Variants in SHROOM4 observed in about 807,000 individuals in gnomAD.
The protein encoded by SHROOM4 is shroom family member 4.
Under a neutral mutation model 80.3 loss-of-function variants are expected in SHROOM4, and 17 were observed. The ratio of observed to expected loss-of-function variants is 0.21; its 90% CI spans 0.14 to 0.32. The LOEUF is 0.32. Ranked by LOEUF, SHROOM4 falls within the 10% of genes least tolerant of loss-of-function variation. The pLI, the probability that SHROOM4 is intolerant of heterozygous loss-of-function variation, is 1.00. For missense variants in SHROOM4, 993 were observed against 1,140.3 expected, an observed-to-expected ratio of 0.87 and a Z score of 1.86; for synonymous variants, 400 against 437.5, an observed-to-expected ratio of 0.91 and a Z score of 1.07.
At position 50,633,729 on chromosome X, in the gene SHROOM4, T is replaced by C; in HGVS notation, c.2344A>G (p.Lys782Glu). Residue 782 changes from lysine (K) to glutamate (E), a missense_variant, in exon 4 of 9, where the codon AAA becomes GAA. Coordinates refer to ENST00000376020, the MANE Select transcript of SHROOM4 (RefSeq NM_020717.5). ...DRRKFFEESS[K>E]SLSTSHLPGL... ...GGCAAATGAGATGTAGATAAGGATT[T>C]GCTACTCTCTTCAAAGAACTTTCTT... is the stretch of plus-strand genomic sequence containing the variant. 8.3e-7 allele frequency: 1 copy of C among 1,211,978 alleles called. No individual in the cohort carries two copies. The highest frequency in any genetic ancestry group is 1.8e-5 in the South Asian group (1 of 56,976).
At chrX:50,641,804 G>A (rs782305533) in intron 2 of SHROOM4, among the ~76,000 whole-genome samples, 1 of 111,713 alleles carries the variant, frequency 9.0e-6, no homozygotes, top group African/African-American at 3.3e-5. Flanking sequence ...TAGAGATGGG[G>A]TTTCACCAGG....
intron 2 of SHROOM4, among the ~76,000 whole-genome samples, chrX:50,662,509 A>G (rs781818594): frequency 9.0e-6 from 1 of 111,419 alleles, no homozygotes; most frequent in East Asian, 2.8e-4. Flanking sequence ...TCAAAAAAAA[A>G]AAAGTGTTAT....
At chrX:50,684,604 A>G (rs1318849996) in intron 2 of SHROOM4, among the ~76,000 whole-genome samples, 7 of 112,049 alleles carry the variant, frequency 6.2e-5, no homozygotes, top group Non-Finnish European at 1.1e-4. Context: ...CACAATACCT[A>G]AAGATGACTA....
intron 1 of SHROOM4, among the ~76,000 whole-genome samples, chrX:50,807,513 AG>A (rs1176270547): frequency 3.0e-4 from 34 of 112,191 alleles, no homozygotes; most frequent in African/African-American, 9.7e-4. Flanking sequence ...TCTTTCCAGA[AG>A]GGGAAAAAAT....
At chrX:50,781,269 A>G (rs1182703632) in intron 1 of SHROOM4, among the ~76,000 whole-genome samples, 1 of 111,806 alleles carries the variant, frequency 8.9e-6, no homozygotes, top group Non-Finnish European at 1.9e-5. Flanking sequence ...CTTACCAGCT[A>G]TCTGGGCATC....
intron 1 of SHROOM4, among the ~76,000 whole-genome samples, chrX:50,744,571 C>A (rs1934736353): frequency 9.0e-6 from 1 of 111,542 alleles, no homozygotes; most frequent in South Asian, 3.8e-4. Context: ...CTTTAAAGTC[C>A]TTGTCTGTCA....
chrX:50,696,292 G>A (rs1569547752), intron 1 of SHROOM4, among the ~76,000 whole-genome samples: 1 of 111,935 alleles, frequency 8.9e-6, no homozygotes, highest in Non-Finnish European at 1.9e-5. Flanking sequence ...AGAGCCAGAA[G>A]AGCTAGGCTC....
intron 5 of SHROOM4, among the ~76,000 whole-genome samples, chrX:50,610,467 G>C (rs1929922016): frequency 9.0e-6 from 1 of 110,780 alleles, no homozygotes; most frequent in African/African-American, 3.3e-5. Flanking sequence ...CAAAAATAGA[G>C]ACAACTTACA....
intron 1 of SHROOM4, among the ~76,000 whole-genome samples, chrX:50,813,669 G>A (rs782174785): frequency 3.0e-4 from 34 of 112,224 alleles, no homozygotes; most frequent in African/African-American, 9.7e-4. Context: ...GAGTGTGTCT[G>A]CGCGCAAGGT....
At chrX:50,763,907 T>C (rs1164420334) in intron 1 of SHROOM4, among the ~76,000 whole-genome samples, 1 of 111,695 alleles carries the variant, frequency 9.0e-6, no homozygotes, top group Non-Finnish European at 1.9e-5. Context: ...GGACTCTTTT[T>C]AGCTGTCTCT....
At chrX:50,648,976 T>C (rs1280101171) in intron 2 of SHROOM4, among the ~76,000 whole-genome samples, 10 of 111,714 alleles carry the variant, frequency 9.0e-5, no homozygotes, top group Non-Finnish European at 1.5e-4. Flanking sequence ...TGTGGATAGA[T>C]ACTGGAAGCA....
In SHROOM4 at chrX:50,696,050, G is replaced by A. The variant is rs1354398611; in HGVS notation, c.118-113C>T. The A allele has an allele frequency of 2.9e-5, 25 of 872,446 alleles. No individual in the cohort carries two copies. The Middle Eastern group carries it at 1.5e-3, about 53-fold the overall frequency. The allele number at this position is 872,446 out of a possible 1,213,427, so 71.9% of individuals were successfully genotyped here. A position where few individuals can be genotyped will look rare whatever the true frequency, so the allele number is the denominator to read the frequency against. On this transcript the variant is annotated intron_variant, in intron 1 of 8. Coordinates refer to ENST00000376020, the MANE Select transcript of SHROOM4 (RefSeq NM_020717.5). ...AAGTAGTACTGGGGAATGGCTCCAG[G>A]CAGCTCCTGGGAGTAGCTCAGGAGC...
intron 5 of SHROOM4, among the ~76,000 whole-genome samples, chrX:50,617,709 G>A (rs1378048969): frequency 3.0e-5 from 3 of 101,132 alleles, no homozygotes; most frequent in Non-Finnish European, 5.9e-5. Context: ...GGTGCCCCAA[G>A]TCATGGAACT....
At chrX:50,699,128 G>A (rs782457744) in intron 1 of SHROOM4, among the ~76,000 whole-genome samples, 1 of 112,064 alleles carries the variant, frequency 8.9e-6, no homozygotes, top group African/African-American at 3.2e-5. Context: ...TTGGAATGTC[G>A]GTATAAACAC....
chrX:50,782,962 T>G (rs1557270774), intron 1 of SHROOM4, among the ~76,000 whole-genome samples: 1 of 111,883 alleles, frequency 8.9e-6, no homozygotes, highest in East Asian at 2.8e-4. Context: ...TAAATAACAA[T>G]ACTATATTGT....
At chrX:50,809,109 T>C (rs1936283365) in intron 1 of SHROOM4, among the ~76,000 whole-genome samples, 1 of 111,150 alleles carries the variant, frequency 9.0e-6, no homozygotes, top group Admixed American at 9.6e-5. Flanking sequence ...CTTTGGTGAT[T>C]CTAGAGGCAG....
chrX:50,633,584 TA>T lies in SHROOM4; in HGVS notation c.2488del (p.Tyr830IlefsTer37). Reference protein sequence around the residue: ...ELRRHPMDQSYHSADQPYHAT... With the variant: ...ELRRHPMDQSXHSADQPYHAT... ...ATGATATGGTTGGTCTGCGGAATGA[TA>T]TGATTGGTCCATGGGATGGCGCCTC... is the stretch of plus-strand genomic sequence containing the variant. On this transcript the variant is annotated frameshift_variant, in exon 4 of 9. Coordinates refer to ENST00000376020, the MANE Select transcript of SHROOM4 (RefSeq NM_020717.5). LOFTEE classifies it high-confidence loss of function. The T allele has an allele frequency of 8.3e-7, 1 of 1,212,015 alleles. No homozygotes were observed. Among genetic ancestry groups the T allele is most frequent in the Non-Finnish European group, 1.1e-6 (1 of 895,612 alleles).
intron 1 of SHROOM4, among the ~76,000 whole-genome samples, chrX:50,709,749 T>C (rs2147489181): frequency 1.8e-5 from 2 of 112,168 alleles, no homozygotes; most frequent in South Asian, 3.7e-4. Flanking sequence ...AAGAAATGTG[T>C]CTGGCACAAG....
rs57853672 is a variant in SHROOM4 at position 50,795,051 on chromosome X, G to GAT, written c.117+18849_117+18850dup. Among the ~76,000 whole-genome samples, 47 of 2,516 alleles carry GAT rather than the reference G, an allele frequency of 0.019. 9 individuals carry two copies. The South Asian group carries it at 0.55, about 29-fold the overall frequency. 2.2% of individuals were successfully genotyped at this position (2,516 alleles called of 115,157 possible). On this transcript the variant is annotated intron_variant, in intron 1 of 8. Coordinates refer to ENST00000376020, the MANE Select transcript of SHROOM4 (RefSeq NM_020717.5). Reference sequence around the variant, plus strand: ...TATCATATATATCTCATATATATATGATATATATATGATATATATATATGA... The same window carrying GAT: ...TATCATATATATCTCATATATATATGATATATATATATGATATATATATATGA...
Sources: gnomAD v4.1 joint callset for allele counts (sites outside exome capture counted in the v4.1 genomes callset) on GRCh38, gnomAD v4.1.1 for gene constraint, MANE v1.5 for transcripts, NCBI Gene and HGNC (gene_info 2026-07-23, HGNC 2026-07-21) for gene names.